Variants in WDR19 observed in about 807,000 individuals in gnomAD.
WDR19 encodes the protein WD repeat domain 19.
WDR19 carries 121 observed loss-of-function variants against 180.0 expected under a neutral mutation model. The observed-to-expected ratio is 0.67, with a 90% CI of 0.58 to 0.78. WDR19 has a LOEUF of 0.78. WDR19 is among the 30% of genes least tolerant of loss of function. The pLI is 0.00. For missense variants in WDR19, 1,450 were observed against 1,640.7 expected (o/e 0.88, Z 2.01); for synonymous variants, 497 against 540.7 (o/e 0.92, Z 1.12).
At chr4:39,256,680 A>G (rs927755196) in intron 27 of WDR19, among the ~76,000 whole-genome samples, 1 of 152,210 alleles carries the variant, frequency 6.6e-6, no homozygotes, top group Admixed American at 6.5e-5. Context: ...GATAAAGTCC[A>G]AACTCCTTAG....
chr4:39,281,236 T>TATACAGAGAGAGAG lies in WDR19; in HGVS notation c.*13+2574_*13+2575insTACAGAGAGAGAGA, dbSNP rs762298152. Among the ~76,000 whole-genome samples the TATACAGAGAGAGAG allele has an allele frequency of 3.8e-5, 4 of 104,044 alleles. No homozygotes were observed. The East Asian group carries it at 1.0e-3, about 26-fold the overall frequency. 68.3% of individuals were successfully genotyped at this position (104,044 alleles called of 152,430 possible). On this transcript the variant is annotated intron_variant, in intron 36 of 36. Transcript: ENST00000399820. Reference sequence around the variant, plus strand: ...GTGTGTATATATATATATATATATATAGAGAGAGAGAGAGAGAGAGAGAGA... The same window carrying TATACAGAGAGAGAG: ...GTGTGTATATATATATATATATATATATACAGAGAGAGAGAGAGAGAGAGAGAGAGAGAGAGAGA...
chr4:39,216,236 C>T lies in WDR19; in HGVS notation c.1249+26C>T. The T allele has an allele frequency of 2.0e-6, 3 of 1,503,886 alleles. 1 individual carries two copies. In the South Asian group the frequency reaches 4.0e-5, roughly 20 times the overall value. 93.2% of individuals were successfully genotyped at this position (1,503,886 alleles called of 1,614,324 possible). On this transcript the variant is annotated intron_variant, in intron 12 of 36. Transcript: ENST00000399820. The stretch of plus-strand genomic sequence containing the variant: ...GCAAGTCTAAATCCAGTTGTTTATT[C>T]TTATCTAGCACATAATTTCTGTTCT...
intron 9 of WDR19, 183 bp downstream of exon 9, chr4:39,205,919 A>G (rs1391608182): frequency 3.2e-5 from 19 of 601,518 alleles, no homozygotes; most frequent in South Asian, 1.8e-4. Flanking sequence ...TTGAAAATCA[A>G]TCTTAAAAAT....
In WDR19 at chr4:39,185,716, T is replaced by G. The variant is rs1357651558; in HGVS notation, c.7-10T>G. On this transcript the variant is annotated splice_polypyrimidine_tract_variant and intron_variant, in intron 1 of 36. Transcript: ENST00000399820. Reference sequence around the variant, plus strand: ...TTTTGAAAATATTAAAAATTGTGTTTATTTTTTAGCGTATTTTCTCACTGC... The same window carrying G: ...TTTTGAAAATATTAAAAATTGTGTTGATTTTTTAGCGTATTTTCTCACTGC... The G allele has an allele frequency of 1.3e-6, 2 of 1,551,652 alleles. No homozygotes were observed. The highest frequency in any genetic ancestry group is 4.9e-5 in the East Asian group (2 of 40,996).
At position 39,259,535 on chromosome 4, in the gene WDR19, C is replaced by T. The variant is rs540784609; in HGVS notation, c.3183+1981C>T. Among the ~76,000 whole-genome samples, 74 of 152,230 alleles carry T rather than the reference C, an allele frequency of 4.9e-4. 1 individual carries two copies. In the South Asian group the frequency reaches 6.2e-3, roughly 13 times the overall value. On this transcript the variant is annotated intron_variant, in intron 28 of 36. Coordinates refer to ENST00000399820, the MANE Select transcript of WDR19 (RefSeq NM_025132.4). ...TTTTGTGCCTGCTTCTCTCATTTAG[C>T]GTCATGTTTTCAAGGCTCTTCCATG...
chr4:39,197,508 C>G (rs2109274355), intron 5 of WDR19, among the ~76,000 whole-genome samples: 1 of 151,646 alleles, frequency 6.6e-6, no homozygotes, highest in Middle Eastern at 3.4e-3. Flanking sequence ...GGTAGTGGAG[C>G]TAAGATTCAA....
intron 19 of WDR19, 61 bp downstream of exon 19, chr4:39,232,333 A>G: frequency 7.1e-7 from 1 of 1,399,530 alleles, no homozygotes; most frequent in African/African-American, 1.4e-5. Context: ...AATGGGGGAA[A>G]AAAAAATGGG....
chr4:39,183,686 G>T (rs1725214195), intron 1 of WDR19, among the ~76,000 whole-genome samples: 1 of 152,164 alleles, frequency 6.6e-6, no homozygotes. Context: ...TGAAATATTA[G>T]AAGTGAAGAG....
chr4:39,275,257 T>A, intron 33 of WDR19: 1 of 365,186 alleles, frequency 2.7e-6, no homozygotes, highest in Non-Finnish European at 5.3e-6. Context: ...GGAGAATTGC[T>A]TGAACCCGGG....
At position 39,223,376 on chromosome 4, in the gene WDR19, G is replaced by T. The variant is rs28844941; in HGVS notation, c.1480-1508G>T. ...GATGGAGTCTCGCTCTGTCGCCCAG[G>T]CTGGAGTGCAGTGGCGCGATCTCAG... On this transcript the variant is annotated intron_variant, in intron 14 of 36. Coordinates refer to ENST00000399820, the MANE Select transcript of WDR19 (RefSeq NM_025132.4). 9.8e-3 allele frequency among the ~76,000 whole-genome samples: 1,489 copies of T among 152,254 alleles called. 29 individuals are homozygous for T. Among genetic ancestry groups the T allele is most frequent in the African/African-American group, 0.034 (1,406 of 41,534 alleles).
chr4:39,193,457 C>G (rs1378688138), intron 4 of WDR19, among the ~76,000 whole-genome samples: 1 of 152,098 alleles, frequency 6.6e-6, no homozygotes, highest in Non-Finnish European at 1.5e-5. Flanking sequence ...CATGCCCAGC[C>G]TAAAATTAAT....
intron 18 of WDR19, 93 bp downstream of exon 18, chr4:39,232,049 TAAAC>T: frequency 6.5e-7 from 1 of 1,538,052 alleles, no homozygotes; most frequent in Non-Finnish European, 8.9e-7. Flanking sequence ...TCTTACCTCT[TAAAC>T]AAGTGAATCG....
chr4:39,276,693 A>T (rs931970647), intron 33 of WDR19, among the ~76,000 whole-genome samples: 2 of 152,162 alleles, frequency 1.3e-5, no homozygotes, highest in Admixed American at 6.5e-5. Context: ...AGACAGAGGG[A>T]AAATACCAAG....
chr4:39,250,689 C>A (rs1202032064), intron 24 of WDR19, among the ~76,000 whole-genome samples: 1 of 152,188 alleles, frequency 6.6e-6, no homozygotes, highest in Non-Finnish European at 1.5e-5. Context: ...GTGCCAAAAT[C>A]ACAAGCATTC....
chr4:39,198,997 CAAAA>C (rs774671201), intron 5 of WDR19, among the ~76,000 whole-genome samples: 4 of 87,484 alleles, frequency 4.6e-5, no homozygotes, highest in Admixed American at 1.3e-4. Context: ...GACTCTGTCT[CAAAA>C]AAAAAAAAAA....
chr4:39,214,962 G>A (rs1400091484), intron 10 of WDR19, among the ~76,000 whole-genome samples: 2 of 151,980 alleles, frequency 1.3e-5, no homozygotes, highest in African/African-American at 2.4e-5. Flanking sequence ...TAGTAGAGAT[G>A]GGGTTTCACC....
At chr4:39,185,659 G>T (rs1725433526) in intron 1 of WDR19, 67 bp from the exon 2 acceptor site, 1 of 1,428,580 alleles carries the variant, frequency 7.0e-7, no homozygotes, top group South Asian at 1.2e-5. Flanking sequence ...ACCATGTTTT[G>T]ATACCTTTTC....
intron 34 of WDR19, among the ~76,000 whole-genome samples, chr4:39,277,596 T>G (rs946631035): frequency 5.3e-5 from 8 of 152,250 alleles, no homozygotes; most frequent in Non-Finnish European, 7.3e-5. Context: ...AAAACTAAAT[T>G]CAGGTAATAT....
chr4:39,209,678 C>T (rs1728292804), intron 9 of WDR19, among the ~76,000 whole-genome samples: 1 of 146,182 alleles, frequency 6.8e-6, no homozygotes, highest in Admixed American at 7.0e-5. Flanking sequence ...CACCATTGCA[C>T]TCCAGCCTCA....
Sources: gnomAD v4.1 joint callset for allele counts (sites outside exome capture counted in the v4.1 genomes callset) on GRCh38, gnomAD v4.1.1 for gene constraint, MANE v1.5 for transcripts, NCBI Gene and HGNC (gene_info 2026-07-23, HGNC 2026-07-21) for gene names.